SLC9B1: variants seen among roughly 807,000 people sequenced by gnomAD.
SLC9B1 encodes solute carrier family 9 member B1.
SLC9B1 carries 32 observed loss-of-function variants against 51.7 expected under a neutral mutation model. That is an observed-to-expected ratio of 0.62 (90% CI 0.47 to 0.83). SLC9B1 has a LOEUF of 0.83. Among genes scored for constraint, SLC9B1 ranks in the 40% least tolerant of loss-of-function variants. The pLI is 0.00. For missense variants in SLC9B1, 406 were observed against 613.2 expected (o/e 0.66, Z 3.57); for synonymous variants, 145 against 212.7 (o/e 0.68, Z 2.77).
chr4:102,941,450 C>T (rs1736989090), intron 6 of SLC9B1: 1 of 454,456 alleles, frequency 2.2e-6, no homozygotes, highest in African/African-American at 2.0e-5. Flanking sequence ...GAGATACAAC[C>T]TCACAGGAGG....
intron 1 of SLC9B1, among the ~76,000 whole-genome samples, chr4:103,003,217 C>G (rs1740618109): frequency 6.6e-6 from 1 of 152,138 alleles, no homozygotes; most frequent in Non-Finnish European, 1.5e-5. Context: ...AAAGGAAAGA[C>G]CACACTAAAA....
downstream of SLC9B1, among the ~76,000 whole-genome samples, chr4:102,898,861 G>A (rs1045242493): frequency 1.1e-4 from 16 of 152,154 alleles, no homozygotes; most frequent in African/African-American, 3.9e-4. Context: ...CCGAGTAGCC[G>A]GGACTACAGG....
intron 1 of SLC9B1, among the ~76,000 whole-genome samples, chr4:102,996,210 C>T (rs1740205702): frequency 6.6e-6 from 1 of 151,936 alleles, no homozygotes; most frequent in Non-Finnish European, 1.5e-5. Context: ...GTGTTCAAAT[C>T]TCTTGTCCAT....
intron 1 of SLC9B1, among the ~76,000 whole-genome samples, chr4:103,001,605 C>T (rs1243115696): frequency 6.6e-6 from 1 of 152,230 alleles, no homozygotes; most frequent in Non-Finnish European, 1.5e-5. Context: ...GAGACCACCT[C>T]AGCCTGAAAT....
intron 2 of SLC9B1, among the ~76,000 whole-genome samples, chr4:102,990,668 G>A (rs1413896061): frequency 6.7e-6 from 1 of 150,170 alleles, no homozygotes; most frequent in Non-Finnish European, 1.5e-5. Flanking sequence ...GGGTGGGTGG[G>A]TGTGGGGGTG....
Position 102,975,728 on chromosome 4 carries a change from C to G in SLC9B1, c.211+14072G>C, listed in dbSNP as rs957128990. On this transcript the variant is annotated intron_variant, in intron 3 of 11. Coordinates refer to ENST00000296422, the MANE Select transcript of SLC9B1 (RefSeq NM_139173.4). Reference sequence around the variant, plus strand: ...GGACTACAGGTGCATGCCATGATGTCTGGCTAATTTTGTATTTTTTAGTAG... The same window carrying G: ...GGACTACAGGTGCATGCCATGATGTGTGGCTAATTTTGTATTTTTTAGTAG... 6.2e-4 allele frequency among the ~76,000 whole-genome samples: 93 copies of G among 150,130 alleles called. 1 individual carries two copies. Among genetic ancestry groups the G allele is most frequent in the African/African-American group, 2.2e-3 (90 of 40,926 alleles).
At chr4:102,950,951 C>T (rs541789590) in intron 3 of SLC9B1, among the ~76,000 whole-genome samples, 8 of 152,204 alleles carry the variant, frequency 5.3e-5, no homozygotes, top group East Asian at 3.9e-4. Context: ...GCTGGGATGG[C>T]GCCACTTCAC....
At chr4:102,887,174 G>C (rs1001801111) in intron 11 of SLC9B1, among the ~76,000 whole-genome samples, 1 of 152,114 alleles carries the variant, frequency 6.6e-6, no homozygotes, top group Non-Finnish European at 1.5e-5. Context: ...TAAATTGTTA[G>C]ATTTTGAATA....
intron 1 of SLC9B1, among the ~76,000 whole-genome samples, chr4:103,013,012 A>C (rs1334280664): frequency 6.6e-6 from 1 of 152,226 alleles, no homozygotes; most frequent in African/African-American, 2.4e-5. Context: ...AGACATAAAC[A>C]GTCAAACCAT....
chr4:102,891,115 CT>C (rs1330248732), intron 11 of SLC9B1: 2 of 151,098 alleles, frequency 1.3e-5, no homozygotes, highest in Non-Finnish European at 2.9e-5. Flanking sequence ...ACAATTTTCC[CT>C]CTGTTAAACT....
intron 3 of SLC9B1, among the ~76,000 whole-genome samples, chr4:102,966,544 G>A (rs1315606156): frequency 6.6e-6 from 1 of 152,182 alleles, no homozygotes; most frequent in East Asian, 1.9e-4. Context: ...ATTGTGCCAT[G>A]GCTGGGGTGG....
intron 7 of SLC9B1, among the ~76,000 whole-genome samples, chr4:102,920,909 T>C (rs1409327457): frequency 1.3e-5 from 2 of 152,218 alleles, no homozygotes; most frequent in East Asian, 1.9e-4. Context: ...TATGGGACTA[T>C]GTGAAAAGAC....
At chr4:102,989,962 C>G in intron 2 of SLC9B1, 21 bp from the exon 3 acceptor site, 1 of 1,549,178 alleles carries the variant, frequency 6.5e-7, no homozygotes, top group Non-Finnish European at 8.8e-7. Flanking sequence ...ACAAGAAAAT[C>G]TTTAAGGAAC....
intron 7 of SLC9B1, among the ~76,000 whole-genome samples, chr4:102,913,796 T>TAAAAAAAAAAAAAAAAAAAAGAAAAAAAA (rs1735456552): frequency 1.4e-5 from 1 of 71,448 alleles, no homozygotes; most frequent in African/African-American, 5.3e-5. Context: ...AGATAGAAAC[T>TAAAAAAAAAAAAAAAAAAAAGAAAAAAAA]AAAAAAAAAA....
intron 7 of SLC9B1, among the ~76,000 whole-genome samples, chr4:102,921,330 G>T (rs1735866496): frequency 6.6e-6 from 1 of 152,154 alleles, no homozygotes; most frequent in South Asian, 2.1e-4. Context: ...AAGTGAAGGA[G>T]AAATAAAATC....
chr4:102,906,036 C>T (rs1240029177), intron 10 of SLC9B1, among the ~76,000 whole-genome samples: 4 of 152,012 alleles, frequency 2.6e-5, no homozygotes, highest in African/African-American at 9.7e-5. Flanking sequence ...CCCGGGTTCA[C>T]GCGATTCTCC....
At chr4:102,965,103 T>C (rs911375324) in intron 3 of SLC9B1, among the ~76,000 whole-genome samples, 1 of 152,136 alleles carries the variant, frequency 6.6e-6, no homozygotes, top group Non-Finnish European at 1.5e-5. Flanking sequence ...AAAAATCGGT[T>C]ATATATATAG....
intron 11 of SLC9B1, among the ~76,000 whole-genome samples, chr4:102,904,801 G>A (rs1304384636): frequency 6.6e-6 from 1 of 152,118 alleles, no homozygotes; most frequent in Non-Finnish European, 1.5e-5. Flanking sequence ...GGCCAACGTG[G>A]TGAGACCCCA....
chr4:102,971,261 A>G (rs1560959971), intron 3 of SLC9B1, among the ~76,000 whole-genome samples: 1 of 152,208 alleles, frequency 6.6e-6, no homozygotes, highest in Non-Finnish European at 1.5e-5. Context: ...CAGCAAATGT[A>G]AAAGAACAGA....
Sources: gnomAD v4.1 joint callset for allele counts (sites outside exome capture counted in the v4.1 genomes callset) on GRCh38, gnomAD v4.1.1 for gene constraint, MANE v1.5 for transcripts, NCBI Gene and HGNC (gene_info 2026-07-23, HGNC 2026-07-21) for gene names.